The following PPP2R5C variants were observed in gnomAD, a reference collection of about 807,000 sequenced individuals.
The protein encoded by PPP2R5C is serine/threonine-protein phosphatase 2A 56 kDa regulatory subunit gamma isoform.
Under a neutral mutation model 68.9 loss-of-function variants are expected in PPP2R5C, and 7 were observed. The ratio of observed to expected loss-of-function variants is 0.10; its 90% CI spans 0.06 to 0.19. PPP2R5C has a LOEUF of 0.19. PPP2R5C is among the 10% of genes least tolerant of loss of function. The pLI, the probability that PPP2R5C is intolerant of heterozygous loss-of-function variation, is 1.00. For missense variants in PPP2R5C, 348 were observed against 641.3 expected (o/e 0.54, Z 4.94); for synonymous variants, 210 against 222.2 (o/e 0.95, Z 0.49).
intron 2 of PPP2R5C, chr14:101,765,025 C>A: frequency 1.6e-6 from 1 of 610,678 alleles, no homozygotes; most frequent in Non-Finnish European, 2.9e-6. Context: ...CTCAGTAGTT[C>A]AAAGATACCA....
At chr14:101,873,229 G>A (rs1269933237) in intron 2 of PPP2R5C, among the ~76,000 whole-genome samples, 1 of 152,142 alleles carries the variant, frequency 6.6e-6, no homozygotes, top group African/African-American at 2.4e-5. Flanking sequence ...TGTCATTTCA[G>A]TTTAGTTCAG....
At chr14:101,911,260 C>G (rs538895355) in intron 11 of PPP2R5C, among the ~76,000 whole-genome samples, 1 of 151,536 alleles carries the variant, frequency 6.6e-6, no homozygotes, top group South Asian at 2.1e-4. Flanking sequence ...GGCGACAGAG[C>G]GAGACTCCGT....
rs919018236 is a variant in PPP2R5C, at chr14:101,825,798, T to C, written c.94+15762T>C. Among the ~76,000 whole-genome samples, 1 of 152,210 alleles carries C rather than the reference T, an allele frequency of 6.6e-6. No homozygotes were observed. Among genetic ancestry groups the C allele is most frequent in the African/African-American group, 2.4e-5 (1 of 41,454 alleles). On this transcript the variant is annotated intron_variant, in intron 1 of 13. Transcript: ENST00000334743. The surrounding 1 kb of genome is among the most constrained non-coding windows in gnomAD (Gnocchi z 4.0). ...GTGTCATCTTCAGCAGAGGGGATTATCAGAAACTTCTGGGGCAGTAAGGGA... is the reference window on the plus strand; with the variant it reads ...GTGTCATCTTCAGCAGAGGGGATTACCAGAAACTTCTGGGGCAGTAAGGGA...
intron 2 of PPP2R5C, among the ~76,000 whole-genome samples, chr14:101,770,953 A>G (rs1282996521): frequency 2.6e-5 from 4 of 152,076 alleles, no homozygotes; most frequent in Admixed American, 6.5e-5. Flanking sequence ...TTCCTTAAAC[A>G]CTGGGTACCT....
intron 2 of PPP2R5C, among the ~76,000 whole-genome samples, chr14:101,876,316 A>G (rs1595443823): frequency 6.6e-6 from 1 of 152,298 alleles, no homozygotes; most frequent in Non-Finnish European, 1.5e-5. Context: ...CATGAATAAA[A>G]CAGAGAATAA....
intron 5 of PPP2R5C, among the ~76,000 whole-genome samples, chr14:101,887,145 A>G (rs1034023148): frequency 3.3e-5 from 5 of 152,268 alleles, no homozygotes; most frequent in African/African-American, 4.8e-5. Flanking sequence ...GTTTATTTCT[A>G]TGGTTTATCA....
rs1020667027 is a variant in PPP2R5C, at chr14:101,877,787, A to G, written c.295-4374A>G. Among the ~76,000 whole-genome samples the G allele has an allele frequency of 6.6e-5, 10 of 152,318 alleles. No homozygotes were observed. Among genetic ancestry groups the G allele is most frequent in the Non-Finnish European group, 8.8e-5 (6 of 68,030 alleles). ...ATATGCACTAAATTAATGCAATGTA[A>G]TGTGGTAAGAAAGGTGTGTAGAAGT... On this transcript the variant is annotated intron_variant, in intron 2 of 13. Transcript: ENST00000334743. The surrounding 1 kb of genome is among the most constrained non-coding windows in gnomAD (Gnocchi z 4.2).
intron 3 of PPP2R5C, chr14:101,789,810 T>C (rs1425132114): frequency 6.6e-6 from 1 of 151,892 alleles, no homozygotes; most frequent in Non-Finnish European, 1.5e-5. Context: ...CAATAAAATG[T>C]GGAATGTGTC....
chr14:101,846,251 C>A (rs187942900), intron 1 of PPP2R5C, among the ~76,000 whole-genome samples: 1 of 152,292 alleles, frequency 6.6e-6, no homozygotes, highest in African/African-American at 2.4e-5. Flanking sequence ...CATTTAGAAA[C>A]CTGAGCAGAG....
intron 2 of PPP2R5C, among the ~76,000 whole-genome samples, chr14:101,872,257 T>C (rs1273174386): frequency 6.9e-6 from 1 of 144,992 alleles, no homozygotes; most frequent in Non-Finnish European, 1.5e-5. Context: ...AGGGTCTTGC[T>C]CTGTTACCCA....
intron 10 of PPP2R5C, among the ~76,000 whole-genome samples, chr14:101,907,748 C>T (rs1229140403): frequency 1.3e-5 from 2 of 152,148 alleles, no homozygotes; most frequent in Non-Finnish European, 2.9e-5. Context: ...CTATTGGGCA[C>T]CCCTCTGGCT....
intron 1 of PPP2R5C, among the ~76,000 whole-genome samples, chr14:101,826,675 A>G (rs930334341): frequency 9.9e-5 from 15 of 152,130 alleles, no homozygotes; most frequent in Admixed American, 9.2e-4. Context: ...GTGTTTCCAT[A>G]TGAATTTTAG....
At chr14:101,834,945 T>A (rs1405772041) in intron 1 of PPP2R5C, among the ~76,000 whole-genome samples, 2 of 152,226 alleles carry the variant, frequency 1.3e-5, no homozygotes, top group African/African-American at 4.8e-5. Flanking sequence ...GGCCAGACTT[T>A]AGCTTTGCTC....
intron 3 of PPP2R5C, among the ~76,000 whole-genome samples, chr14:101,791,689 C>A (rs955842895): frequency 2.0e-5 from 3 of 149,524 alleles, no homozygotes; most frequent in African/African-American, 7.4e-5. Flanking sequence ...CTGTTTGGTT[C>A]TTTTTTCAGT....
At chr14:101,816,888 T>C (rs1190545987) in intron 1 of PPP2R5C, among the ~76,000 whole-genome samples, 1 of 130,276 alleles carries the variant, frequency 7.7e-6, no homozygotes, top group Non-Finnish European at 1.6e-5. Context: ...ATATTATATA[T>C]ATATTATATA....
chr14:101,892,431 C>A (rs1288651592), intron 6 of PPP2R5C, among the ~76,000 whole-genome samples: 1 of 152,028 alleles, frequency 6.6e-6, no homozygotes, highest in African/African-American at 2.4e-5. Context: ...GTCTTCCTGG[C>A]CTGTTTAGGG....
intron 1 of PPP2R5C, among the ~76,000 whole-genome samples, chr14:101,845,208 G>A (rs1165037459): frequency 2.0e-5 from 3 of 152,126 alleles, no homozygotes; most frequent in Admixed American, 2.0e-4. Flanking sequence ...CCTGCAGCCG[G>A]AGTGAAGGTT....
chr14:101,785,682 A>G (rs2038059616), intron 2 of PPP2R5C, among the ~76,000 whole-genome samples: 1 of 152,246 alleles, frequency 6.6e-6, no homozygotes, highest in Non-Finnish European at 1.5e-5. Context: ...CCTGTCGCCA[A>G]GCAAGGTCCC....
At chr14:101,765,176 C>G in intron 2 of PPP2R5C, 1 of 702,776 alleles carries the variant, frequency 1.4e-6, no homozygotes, top group Non-Finnish European at 2.6e-6. Context: ...AGAGCTGGAG[C>G]TACAGAGCTT....
Sources: gnomAD v4.1 joint callset for allele counts (sites outside exome capture counted in the v4.1 genomes callset) on GRCh38, gnomAD v4.1.1 for gene constraint, Gnocchi (gnomAD v3.1) non-coding constraint, MANE v1.5 for transcripts, NCBI Gene and HGNC (gene_info 2026-07-23, HGNC 2026-07-21) for gene names.